PLB1: variants seen among roughly 807,000 people sequenced by gnomAD.
PLB1 encodes the protein phospholipase B1.
In PLB1, 242 loss-of-function variants were observed where a neutral mutation model predicts 227.4. The ratio of observed to expected loss-of-function variants is 1.06; its 90% CI spans 0.96 to 1.18. PLB1 has a LOEUF of 1.18. Among genes scored for constraint, PLB1 ranks in the 50% most tolerant of loss-of-function variants. The pLI, the probability that PLB1 is intolerant of heterozygous loss-of-function variation, is 0.00. For missense variants in PLB1, 1,858 were observed against 1,816.3 expected (o/e 1.02, Z -0.42); for synonymous variants, 757 against 682.2 (o/e 1.11, Z -1.71).
At chr2:28,534,864 A>G (rs1671476455) in intron 9 of PLB1, among the ~76,000 whole-genome samples, 1 of 74,220 alleles carries the variant, frequency 1.3e-5, no homozygotes, top group African/African-American at 3.7e-5. Flanking sequence ...AAAAGAAAAT[A>G]AAAAAAAAAG....
chr2:28,606,006 GCC>G, intron 42 of PLB1, 58 bp downstream of exon 42: 1 of 1,384,266 alleles, frequency 7.2e-7, no homozygotes, highest in Non-Finnish European at 1.0e-6. Flanking sequence ...CAGGGCACCA[GCC>G]CCTATAGAAT....
intron 44 of PLB1, among the ~76,000 whole-genome samples, chr2:28,614,431 G>A (rs67874681): frequency 0.13 from 19,366 of 152,132 alleles, 1,476 homozygotes; most frequent in African/African-American, 0.21. Context: ...ATGTGGCGTT[G>A]ACTTCTTGGA....
chr2:28,538,157 G>C, intron 9 of PLB1, 162 bp from the exon 10 acceptor site: 1 of 832,910 alleles, frequency 1.2e-6, no homozygotes, highest in South Asian at 1.5e-5. Context: ...GACAAAACTA[G>C]GAAGCTCTGG....
At chr2:28,500,886 T>G (rs1667020302) in intron 1 of PLB1, among the ~76,000 whole-genome samples, 1 of 152,246 alleles carries the variant, frequency 6.6e-6, no homozygotes, top group Non-Finnish European at 1.5e-5. Context: ...CAAGGTAACT[T>G]CTGTGGCCCT....
At chr2:28,525,131 G>A in intron 4 of PLB1, 136 bp from the exon 5 acceptor site, 1 of 731,474 alleles carries the variant, frequency 1.4e-6, no homozygotes. Context: ...GATTACAGGT[G>A]TGAGCCACCA....
chr2:28,502,955 GT>G (rs913769028), intron 1 of PLB1, among the ~76,000 whole-genome samples: 2 of 151,212 alleles, frequency 1.3e-5, no homozygotes, highest in African/African-American at 2.4e-5. Flanking sequence ...ACTTTGGAAA[GT>G]TTTTTTTTCT....
chr2:28,633,450 T>C (rs766540176), intron 56 of PLB1: 3 of 184,446 alleles, frequency 1.6e-5, no homozygotes, highest in Non-Finnish European at 3.4e-5. Flanking sequence ...CGCATTGAGA[T>C]CATGTGTACA....
At chr2:28,567,179 G>C (rs897424319) in intron 20 of PLB1, among the ~76,000 whole-genome samples, 2 of 152,102 alleles carry the variant, frequency 1.3e-5, no homozygotes, top group East Asian at 3.8e-4. Flanking sequence ...TCTGGCATGA[G>C]ATTAGAGAGA....
At chr2:28,573,623 A>G (rs1222292934) in intron 21 of PLB1, among the ~76,000 whole-genome samples, 1 of 152,244 alleles carries the variant, frequency 6.6e-6, no homozygotes, top group African/African-American at 2.4e-5. Flanking sequence ...TGTCACTGCT[A>G]TGTCACTGCT....
At chr2:28,574,961 G>T (rs1012806304) in intron 21 of PLB1, among the ~76,000 whole-genome samples, 1 of 152,136 alleles carries the variant, frequency 6.6e-6, no homozygotes. Flanking sequence ...ATTGCAAATT[G>T]TGCTGCAGTA....
Position 28,620,898 on chromosome 2 carries a change from C to G in PLB1, c.3447C>G (p.Asn1149Lys), listed in dbSNP as rs1412681915. 1 of 1,613,926 alleles carries G rather than the reference C, an allele frequency of 6.2e-7. No homozygotes were observed. Among genetic ancestry groups the G allele is most frequent in the Non-Finnish European group, 8.5e-7 (1 of 1,179,892 alleles). ...TTLPNILKKF[N>K]PYLLGFSTST... Reference sequence around the variant, plus strand: ...CTAAAGACATTCTGAAGAAGTTCAACCCTTACCTCCTTGGCTTCTCTACCA... The same window carrying G: ...CTAAAGACATTCTGAAGAAGTTCAAGCCTTACCTCCTTGGCTTCTCTACCA... Residue 1149 changes from asparagine (N) to lysine (K), a missense_variant, in exon 49 of 58, where the codon AAC (asparagine) becomes AAG (lysine). Transcript: ENST00000327757.
At chr2:28,632,765 GAAAAAAGA>G (rs1688812279) in intron 55 of PLB1, among the ~76,000 whole-genome samples, 171 bp from the exon 56 acceptor site, 2 of 149,506 alleles carry the variant, frequency 1.3e-5, no homozygotes, top group South Asian at 2.1e-4. Flanking sequence ...CAAAAAAAAA[GAAAAAAGA>G]AAAAAAGAAA....
rs1203913058 is a variant in PLB1 at position 28,633,854 on chromosome 2, C to T, written c.4098+815C>T. 2.0e-5 allele frequency among the ~76,000 whole-genome samples: 3 copies of T among 152,208 alleles called. No individual in the cohort carries two copies. In the East Asian group the frequency reaches 5.8e-4, roughly 29 times the overall value. On this transcript the variant is annotated intron_variant, in intron 56 of 57. Transcript: ENST00000327757. ...GCTCAGTGGGTAACACAATCCCCAC[C>T]CCAACCTGTATGTTCCCTCCTTTGT...
intron 39 of PLB1, 57 bp from the exon 40 acceptor site, chr2:28,603,909 C>A (rs996551616): frequency 2.0e-6 from 3 of 1,523,862 alleles, no homozygotes; most frequent in African/African-American, 1.4e-5. Flanking sequence ...GCAATCAGAA[C>A]CAGCCCCTGA....
In PLB1 at chr2:28,575,585, G is replaced by A. The variant is rs575563327; in HGVS notation, c.1433+2280G>A. ...AGACCCCAATAGACTTTGTTTGTTT[G>A]TTTGAGACAGAGTCTCACTCTGTTG... is the stretch of plus-strand genomic sequence containing the variant. On this transcript the variant is annotated intron_variant, in intron 21 of 57. Coordinates refer to ENST00000327757, the MANE Select transcript of PLB1 (RefSeq NM_153021.5). 3.3e-5 allele frequency among the ~76,000 whole-genome samples: 5 copies of A among 152,220 alleles called. No individual in the cohort carries two copies. In the South Asian group the frequency reaches 1.0e-3, roughly 32 times the overall value.
At chr2:28,567,308 T>G (rs1032681447) in intron 20 of PLB1, among the ~76,000 whole-genome samples, 1 of 152,114 alleles carries the variant, frequency 6.6e-6, no homozygotes, top group Non-Finnish European at 1.5e-5. Flanking sequence ...CAGGCACAGC[T>G]GCGCACAGAT....
chr2:28,499,529 T>G (rs1404306288), intron 1 of PLB1, among the ~76,000 whole-genome samples: 1 of 152,016 alleles, frequency 6.6e-6, no homozygotes, highest in Admixed American at 6.6e-5. Context: ...AACAGTTTTT[T>G]TTTTTTTTTT....
intron 18 of PLB1, 22 bp from the exon 19 acceptor site, chr2:28,565,258 C>G (rs762117188): frequency 6.2e-7 from 1 of 1,602,550 alleles, no homozygotes; most frequent in Non-Finnish European, 8.5e-7. Context: ...GAGAAACTCA[C>G]CCCCTCATTG....
At chr2:28,545,252 TG>T (rs1305202698) in intron 14 of PLB1, among the ~76,000 whole-genome samples, 1 of 41,806 alleles carries the variant, frequency 2.4e-5, no homozygotes, top group African/African-American at 7.4e-5. Flanking sequence ...GGTTTCCCAG[TG>T]CCAGTGCAAA....
Sources: gnomAD v4.1 joint callset for allele counts (sites outside exome capture counted in the v4.1 genomes callset) on GRCh38, gnomAD v4.1.1 for gene constraint, MANE v1.5 for transcripts, NCBI Gene and HGNC (gene_info 2026-07-23, HGNC 2026-07-21) for gene names.